Variants in CSGALNACT1 observed in about 807,000 individuals in gnomAD.
The protein encoded by CSGALNACT1 is chondroitin sulfate N-acetylgalactosaminyltransferase 1, also known as beta4GalNAcT-1.
A neutral mutation model predicts 51.0 loss-of-function variants in CSGALNACT1; 52 were observed. That is an observed-to-expected ratio of 1.02 (90% CI 0.82 to 1.29). CSGALNACT1 has a LOEUF of 1.29. Among genes scored for constraint, CSGALNACT1 ranks in the 50% most tolerant of loss-of-function variants. The pLI, the probability that CSGALNACT1 is intolerant of heterozygous loss-of-function variation, is 0.00. For synonymous variants in CSGALNACT1, 341 were observed against 254.4 expected (o/e 1.34, Z -3.24); for missense variants, 935 against 679.2 (o/e 1.38, Z -4.19).
chr8:19,466,072 A>C (rs1420725520), intron 4 of CSGALNACT1, among the ~76,000 whole-genome samples: 1 of 152,208 alleles, frequency 6.6e-6, no homozygotes, highest in East Asian at 1.9e-4. Flanking sequence ...TGTTTAAGTA[A>C]AAGCTATCTG....
intron 8 of CSGALNACT1, among the ~76,000 whole-genome samples, chr8:19,413,838 G>A (rs756297453): frequency 1.2e-4 from 18 of 152,212 alleles, no homozygotes; most frequent in Non-Finnish European, 2.4e-4. Context: ...GAGACAGCCA[G>A]GGAGACTGAG....
chr8:19,682,941 T>C, upstream of CSGALNACT1: 3 of 315,442 alleles, frequency 9.5e-6, no homozygotes, highest in Non-Finnish European at 1.9e-5. Flanking sequence ...TACTTATCCA[T>C]CGCTAGTTCA....
chr8:19,515,753 C>T (rs1052537456), intron 3 of CSGALNACT1, among the ~76,000 whole-genome samples: 2 of 151,946 alleles, frequency 1.3e-5, no homozygotes, highest in African/African-American at 4.8e-5. Flanking sequence ...TGCTGGCAAA[C>T]TTTTAGAGAG....
At chr8:19,440,082 G>A (rs147071514) in intron 5 of CSGALNACT1, 151 bp from the exon 5 acceptor site, 3 of 701,452 alleles carry the variant, frequency 4.3e-6, no homozygotes, top group South Asian at 3.0e-5. Context: ...AACCTTTCTG[G>A]TTGGCCATTC....
At chr8:19,447,794 G>A (rs2062394652) in intron 5 of CSGALNACT1, among the ~76,000 whole-genome samples, 2 of 152,190 alleles carry the variant, frequency 1.3e-5, no homozygotes, top group South Asian at 4.1e-4. Flanking sequence ...CCCTAGGGTG[G>A]GTCCTGTTCT....
intron 1 of CSGALNACT1, among the ~76,000 whole-genome samples, chr8:19,750,364 C>T (rs1019929036): frequency 1.3e-5 from 2 of 152,206 alleles, no homozygotes; most frequent in Admixed American, 6.5e-5. Flanking sequence ...ACTGATCACA[C>T]TCGGCCTTGG....
intron 4 of CSGALNACT1, among the ~76,000 whole-genome samples, chr8:19,498,820 G>A (rs1287910829): frequency 1.3e-5 from 2 of 152,182 alleles, no homozygotes; most frequent in Non-Finnish European, 1.5e-5. Context: ...TCTCTATTAA[G>A]GAAACAAAAA....
chr8:19,713,576 T>C (rs540047048), intron 1 of CSGALNACT1, among the ~76,000 whole-genome samples: 1 of 152,184 alleles, frequency 6.6e-6, no homozygotes, highest in African/African-American at 2.4e-5. Flanking sequence ...GTGAATGGTA[T>C]CCTTATGAGA....
intron 1 of CSGALNACT1, among the ~76,000 whole-genome samples, chr8:19,664,836 T>G (rs2059058302): frequency 6.6e-6 from 1 of 152,180 alleles, no homozygotes; most frequent in Non-Finnish European, 1.5e-5. Context: ...AGCTAAATAA[T>G]GTATATACAT....
intron 6 of CSGALNACT1, among the ~76,000 whole-genome samples, chr8:19,426,200 T>C (rs981207340): frequency 2.0e-5 from 3 of 152,234 alleles, no homozygotes; most frequent in African/African-American, 7.2e-5. Flanking sequence ...AGATCTGTCC[T>C]GAGGAGGGTG....
chr8:19,745,184 G>A (rs10503664), intron 1 of CSGALNACT1, among the ~76,000 whole-genome samples: 20,017 of 152,030 alleles, frequency 0.13, 1,469 homozygotes, highest in Non-Finnish European at 0.15. Context: ...CTTCAAATAG[G>A]GTTTAGCACA....
intron 1 of CSGALNACT1, among the ~76,000 whole-genome samples, chr8:19,630,239 TGTG>T (rs1448693378): frequency 2.4e-5 from 3 of 126,248 alleles, no homozygotes; most frequent in Non-Finnish European, 5.3e-5. Flanking sequence ...TGTGTGTGTG[TGTG>T]TATGTGTGTG....
chr8:19,484,958 C>G (rs2072485512), intron 4 of CSGALNACT1, among the ~76,000 whole-genome samples: 1 of 152,066 alleles, frequency 6.6e-6, no homozygotes, highest in Non-Finnish European at 1.5e-5. Context: ...CTATGCAAGC[C>G]AAGGAGAGAG....
At chr8:19,651,210 A>G (rs899395524) in intron 1 of CSGALNACT1, among the ~76,000 whole-genome samples, 2 of 152,224 alleles carry the variant, frequency 1.3e-5, no homozygotes, top group African/African-American at 4.8e-5. Flanking sequence ...ATGCCACTGC[A>G]TGGCAAAATG....
At chr8:19,447,033 G>C (rs1445311186) in intron 5 of CSGALNACT1, among the ~76,000 whole-genome samples, 1 of 152,132 alleles carries the variant, frequency 6.6e-6, no homozygotes, top group East Asian at 1.9e-4. Flanking sequence ...TTTCCCAAGA[G>C]CCAAAAGCCC....
intron 4 of CSGALNACT1, among the ~76,000 whole-genome samples, chr8:19,470,253 G>A (rs1269345467): frequency 6.6e-6 from 1 of 152,146 alleles, no homozygotes; most frequent in Non-Finnish European, 1.5e-5. Context: ...AGGAACCACA[G>A]GAGCTCATGG....
At chr8:19,421,677 A>G (rs536321412) in intron 6 of CSGALNACT1, among the ~76,000 whole-genome samples, 29 of 152,378 alleles carry the variant, frequency 1.9e-4, no homozygotes, top group African/African-American at 6.7e-4. Context: ...GTAAAGGCCA[A>G]CGCAAACATA....
intron 3 of CSGALNACT1, among the ~76,000 whole-genome samples, chr8:19,523,206 C>T (rs1045694080): frequency 3.3e-5 from 5 of 152,264 alleles, no homozygotes; most frequent in Non-Finnish European, 5.9e-5. Flanking sequence ...ACACCCACCT[C>T]GCTCTATAGG....
At chr8:19,468,477 G>C (rs1314680379) in intron 4 of CSGALNACT1, among the ~76,000 whole-genome samples, 1 of 152,144 alleles carries the variant, frequency 6.6e-6, no homozygotes, top group Non-Finnish European at 1.5e-5. Flanking sequence ...CAGCGTTTTA[G>C]CATGGGAGAG....
Sources: gnomAD v4.1 joint callset for allele counts (sites outside exome capture counted in the v4.1 genomes callset) on GRCh38, gnomAD v4.1.1 for gene constraint, MANE v1.5 for transcripts, NCBI Gene and HGNC (gene_info 2026-07-23, HGNC 2026-07-21) for gene names.